Variants in NXPH1 observed in about 807,000 individuals in gnomAD.
The protein encoded by NXPH1 is neurexophilin 1.
NXPH1 carries 5 observed loss-of-function variants against 23.7 expected under a neutral mutation model. The observed-to-expected ratio is 0.21, with a 90% CI of 0.11 to 0.44. NXPH1 has a LOEUF of 0.44. Among genes scored for constraint, NXPH1 ranks in the 20% least tolerant of loss-of-function variants. The pLI, the probability that NXPH1 is intolerant of heterozygous loss-of-function variation, is 0.99. For synonymous variants in NXPH1, 144 were observed against 122.2 expected (o/e 1.18, Z -1.18); for missense variants, 324 against 321.6 (o/e 1.01, Z -0.06).
chr7:8,450,144 T>C (rs1188474126), intron 2 of NXPH1, among the ~76,000 whole-genome samples: 1 of 152,200 alleles, frequency 6.6e-6, no homozygotes, highest in African/African-American at 2.4e-5. Flanking sequence ...ATCACACTCA[T>C]GTTTTTTGAA....
chr7:8,675,514 T>G (rs564419861), intron 2 of NXPH1, among the ~76,000 whole-genome samples: 1 of 152,258 alleles, frequency 6.6e-6, no homozygotes, highest in South Asian at 2.1e-4. Flanking sequence ...AATCAGTTAT[T>G]GAACAAATAT....
chr7:8,731,286 A>AT (rs759723336), intron 2 of NXPH1, among the ~76,000 whole-genome samples: 29 of 152,062 alleles, frequency 1.9e-4, no homozygotes, highest in Non-Finnish European at 3.4e-4. Context: ...TTTGGTTTGA[A>AT]TGTCCTCCCG....
chr7:8,563,057 G>C lies in NXPH1; in HGVS notation c.54+127290G>C, dbSNP rs146531824. Among the ~76,000 whole-genome samples, 466 of 151,640 alleles carry C rather than the reference G, an allele frequency of 3.1e-3. 3 individuals are homozygous for C. The highest frequency in any genetic ancestry group is 0.011 in the African/African-American group (447 of 41,448). ...ACATACTTAGTTCTACTTTTTATTT[G>C]AATTAAATCTTTTGACTTTATATGC... On this transcript the variant is annotated intron_variant, in intron 2 of 2. Transcript: ENST00000405863.
chr7:8,464,115 C>A (rs1816739226), intron 2 of NXPH1, among the ~76,000 whole-genome samples: 1 of 152,058 alleles, frequency 6.6e-6, no homozygotes, highest in African/African-American at 2.4e-5. Context: ...GTCCTTCACT[C>A]CTCACTCTTC....
At chr7:8,525,304 TA>T (rs761282843) in intron 2 of NXPH1, among the ~76,000 whole-genome samples, 48 of 152,316 alleles carry the variant, frequency 3.2e-4, no homozygotes, top group South Asian at 2.1e-3. Flanking sequence ...AAGAAATTTC[TA>T]AGCAGCAAAG....
intron 2 of NXPH1, among the ~76,000 whole-genome samples, chr7:8,437,383 G>A (rs1287639795): frequency 7.2e-6 from 1 of 138,604 alleles, no homozygotes; most frequent in Non-Finnish European, 1.6e-5. Context: ...GGAATGCAAA[G>A]TGAAAGCGAC....
At chr7:8,675,256 A>G (rs1008499811) in intron 2 of NXPH1, among the ~76,000 whole-genome samples, 3 of 151,986 alleles carry the variant, frequency 2.0e-5, no homozygotes, top group African/African-American at 7.2e-5. Context: ...AATGCCTAAT[A>G]TAATATACAT....
chr7:8,600,206 G>A (rs1211145947), intron 2 of NXPH1, among the ~76,000 whole-genome samples: 1 of 141,490 alleles, frequency 7.1e-6, no homozygotes, highest in Non-Finnish European at 1.5e-5. Context: ...GTAGGCAAAG[G>A]CCTACTTTCT....
At chr7:8,500,819 C>G (rs1027270364) in intron 2 of NXPH1, among the ~76,000 whole-genome samples, 3 of 152,074 alleles carry the variant, frequency 2.0e-5, no homozygotes, top group Admixed American at 1.3e-4. Flanking sequence ...GATTTTGATG[C>G]AGGTCTTCTC....
intron 2 of NXPH1, among the ~76,000 whole-genome samples, chr7:8,462,594 G>C (rs1816714616): frequency 6.6e-6 from 1 of 152,138 alleles, no homozygotes; most frequent in African/African-American, 2.4e-5. Context: ...GCTCTTAACT[G>C]CTAAGCTATG....
At chr7:8,486,955 C>A (rs1273647923) in intron 2 of NXPH1, among the ~76,000 whole-genome samples, 1 of 151,942 alleles carries the variant, frequency 6.6e-6, no homozygotes, top group South Asian at 2.1e-4. Context: ...AATAATTTAT[C>A]TTTCTTTGAT....
intron 2 of NXPH1, among the ~76,000 whole-genome samples, chr7:8,455,604 G>C (rs1324288149): frequency 6.6e-6 from 1 of 151,186 alleles, no homozygotes; most frequent in Non-Finnish European, 1.5e-5. Flanking sequence ...TTACTGTCCA[G>C]AGAGAATGTT....
At chr7:8,706,185 C>T (rs1182378720) in intron 2 of NXPH1, among the ~76,000 whole-genome samples, 2 of 152,164 alleles carry the variant, frequency 1.3e-5, no homozygotes, top group Admixed American at 6.5e-5. Flanking sequence ...TCCTGCAAAG[C>T]TATCAGGCCT....
chr7:8,654,928 A>T (rs777934872), intron 2 of NXPH1, among the ~76,000 whole-genome samples: 12 of 152,212 alleles, frequency 7.9e-5, no homozygotes, highest in Non-Finnish European at 1.8e-4. Flanking sequence ...TCCAAGGGAA[A>T]TAAAATGCAA....
At chr7:8,485,585 C>T (rs1055122954) in intron 2 of NXPH1, among the ~76,000 whole-genome samples, 3 of 152,032 alleles carry the variant, frequency 2.0e-5, no homozygotes, top group African/African-American at 7.2e-5. Context: ...CTCCCATTGT[C>T]TTCCAGGAGA....
chr7:8,497,750 A>AT (rs762413516), intron 2 of NXPH1, among the ~76,000 whole-genome samples: 48 of 152,004 alleles, frequency 3.2e-4, no homozygotes, highest in Non-Finnish European at 5.9e-4. Flanking sequence ...TTCTTTGTAG[A>AT]TTCTGGATAT....
chr7:8,684,734 C>T (rs1821118970), intron 2 of NXPH1, among the ~76,000 whole-genome samples: 1 of 152,198 alleles, frequency 6.6e-6, no homozygotes, highest in Non-Finnish European at 1.5e-5. Context: ...TCATTTCCTT[C>T]AGTGTCCAAT....
In NXPH1 at chr7:8,535,335, T is replaced by C. The variant is rs557090891; in HGVS notation, c.54+99568T>C. Among the ~76,000 whole-genome samples, 119 of 152,222 alleles carry C rather than the reference T, an allele frequency of 7.8e-4. 1 individual carries two copies. Among genetic ancestry groups the C allele is most frequent in the African/African-American group, 2.9e-3 (119 of 41,570 alleles). ...ATACATAATAGAATCTTATGCTTCA[T>C]TTGGGATTTTTTGAAAAGATTTGTT... On this transcript the variant is annotated intron_variant, in intron 2 of 2. Transcript: ENST00000405863.
At chr7:8,701,598 C>A (rs1171684067) in intron 2 of NXPH1, among the ~76,000 whole-genome samples, 1 of 152,094 alleles carries the variant, frequency 6.6e-6, no homozygotes, top group African/African-American at 2.4e-5. Flanking sequence ...TTAAATGTCA[C>A]ATTTAAGAAT....
Sources: allele counts gnomAD v4.1 joint callset (sites outside exome capture counted in the v4.1 genomes callset), GRCh38; gene constraint gnomAD v4.1.1; transcripts MANE v1.5; gene names NCBI Gene and HGNC (gene_info 2026-07-23, HGNC 2026-07-21).